ST6GALNAC3: variants seen among roughly 807,000 people sequenced by gnomAD.
ST6GALNAC3 encodes ST6 N-acetylgalactosaminide alpha-2,6-sialyltransferase 3.
ST6GALNAC3 carries 25 observed loss-of-function variants against 32.7 expected under a neutral mutation model. That is an observed-to-expected ratio of 0.76 (90% CI 0.56 to 1.07). The LOEUF (loss-of-function observed/expected upper bound fraction) is 1.07. ST6GALNAC3 is among the 50% of genes least tolerant of loss of function. The pLI is 0.00. For missense variants in ST6GALNAC3, 355 were observed against 382.4 expected (o/e 0.93, Z 0.60); for synonymous variants, 129 against 133.1 (o/e 0.97, Z 0.21).
intron 1 of ST6GALNAC3, among the ~76,000 whole-genome samples, chr1:76,162,968 T>C (rs1651903090): frequency 6.6e-6 from 1 of 152,174 alleles, no homozygotes; most frequent in East Asian, 1.9e-4. Context: ...CCGGAGAGCA[T>C]GCGCTCTGTT....
intron 3 of ST6GALNAC3, among the ~76,000 whole-genome samples, chr1:76,495,505 T>C (rs1263067478): frequency 6.6e-6 from 1 of 152,106 alleles, no homozygotes; most frequent in Non-Finnish European, 1.5e-5. Flanking sequence ...AAAAAAATTA[T>C]TTCTAACTTA....
chr1:76,597,160 C>T (rs1046969183), intron 3 of ST6GALNAC3, among the ~76,000 whole-genome samples: 3 of 152,278 alleles, frequency 2.0e-5, no homozygotes, highest in Non-Finnish European at 2.9e-5. Context: ...TCATCCAGAA[C>T]TTTTGGAGAG....
Position 76,412,138 on chromosome 1 carries a change from A to G in ST6GALNAC3, c.344A>G (p.Tyr115Cys), listed in dbSNP as rs1654285933. Residue 115 changes from tyrosine (Y) to cysteine (C), a missense_variant, in exon 3 of 5, where the codon TAT (tyrosine) becomes TGT (cysteine). Tyr to Cys is a radical substitution (Grantham distance 194, BLOSUM62 -2). Transcript: ENST00000328299. ...WRMNNAPTKG[Y>C]EEDVGRMTMI... ...ATGAACAATGCCCCCACCAAAGGTT[A>G]TGAAGAAGATGTCGGCCGCATGACC... is the stretch of plus-strand genomic sequence containing the variant. 1 of 1,613,634 alleles carries G rather than the reference A, an allele frequency of 6.2e-7. No homozygotes were observed. The highest frequency in any genetic ancestry group is 1.3e-5 in the African/African-American group (1 of 74,868).
chr1:76,417,046 T>C (rs1654692377), intron 3 of ST6GALNAC3, among the ~76,000 whole-genome samples: 1 of 152,148 alleles, frequency 6.6e-6, no homozygotes, highest in South Asian at 2.1e-4. Flanking sequence ...CATATTGGAA[T>C]ACCTTTTTGA....
chr1:76,462,220 T>C (rs1017503233), intron 3 of ST6GALNAC3, among the ~76,000 whole-genome samples: 6 of 145,258 alleles, frequency 4.1e-5, no homozygotes, highest in African/African-American at 1.6e-4. Flanking sequence ...GTGGAATGAA[T>C]AGTGGAATTA....
At chr1:76,562,596 T>C (rs1010689711) in intron 3 of ST6GALNAC3, among the ~76,000 whole-genome samples, 5 of 152,158 alleles carry the variant, frequency 3.3e-5, no homozygotes, top group Admixed American at 3.3e-4. Context: ...CTGTCCACCA[T>C]CTCCTGAGTT....
intron 3 of ST6GALNAC3, among the ~76,000 whole-genome samples, chr1:76,619,350 G>A (rs1186542215): frequency 6.6e-6 from 1 of 152,102 alleles, no homozygotes; most frequent in Non-Finnish European, 1.5e-5. Context: ...AGAACCCCCA[G>A]GTGTATATGG....
chr1:76,557,490 GA>G (rs1229657508), intron 3 of ST6GALNAC3, among the ~76,000 whole-genome samples: 1 of 152,024 alleles, frequency 6.6e-6, no homozygotes, highest in Non-Finnish European at 1.5e-5. Flanking sequence ...GATCTGAGAG[GA>G]GGCAAATAAC....
chr1:76,262,898 T>C (rs565864358), intron 1 of ST6GALNAC3, among the ~76,000 whole-genome samples: 2 of 152,252 alleles, frequency 1.3e-5, no homozygotes, highest in Non-Finnish European at 2.9e-5. Flanking sequence ...ATGTTTATTA[T>C]ATCCTGGATG....
intron 2 of ST6GALNAC3, among the ~76,000 whole-genome samples, chr1:76,378,274 C>A (rs1040256309): frequency 2.0e-5 from 3 of 152,280 alleles, no homozygotes; most frequent in South Asian, 4.1e-4. Context: ...TTTTTCCTGT[C>A]TTTCTAGGCA....
intron 2 of ST6GALNAC3, among the ~76,000 whole-genome samples, chr1:76,373,028 C>G (rs1222886104): frequency 6.6e-6 from 1 of 152,054 alleles, no homozygotes. Context: ...AAGTCCTGGG[C>G]TCAAGTGATC....
chr1:76,375,450 G>A (rs1425816478), intron 2 of ST6GALNAC3, among the ~76,000 whole-genome samples: 1 of 152,174 alleles, frequency 6.6e-6, no homozygotes, highest in Non-Finnish European at 1.5e-5. Context: ...CTAAGGAAAA[G>A]TTACAAGCCA....
chr1:76,615,569 C>T (rs1054552617), intron 3 of ST6GALNAC3, among the ~76,000 whole-genome samples: 13 of 152,168 alleles, frequency 8.5e-5, no homozygotes, highest in African/African-American at 1.2e-4. Context: ...AGGATCTCCT[C>T]GGCTATTTTG....
intron 3 of ST6GALNAC3, among the ~76,000 whole-genome samples, chr1:76,419,214 A>G (rs935015992): frequency 5.3e-5 from 8 of 152,150 alleles, no homozygotes; most frequent in African/African-American, 1.9e-4. Context: ...AAGACTTCCA[A>G]GCAGTCTACT....
intron 1 of ST6GALNAC3, among the ~76,000 whole-genome samples, chr1:76,147,229 A>G (rs1650744036): frequency 6.6e-6 from 1 of 151,562 alleles, no homozygotes; most frequent in Admixed American, 6.6e-5. Flanking sequence ...TGCCCAGCTA[A>G]TTTTTGTATT....
At chr1:76,616,691 G>T (rs1648314572) in intron 3 of ST6GALNAC3, among the ~76,000 whole-genome samples, 1 of 152,092 alleles carries the variant, frequency 6.6e-6, no homozygotes, top group South Asian at 2.1e-4. Flanking sequence ...TATGTCAGTT[G>T]TTGCTTCTGA....
chr1:76,435,638 T>G (rs1656087574), intron 3 of ST6GALNAC3, among the ~76,000 whole-genome samples: 1 of 152,182 alleles, frequency 6.6e-6, no homozygotes. Flanking sequence ...CTAAAATGAC[T>G]TAACTGTAAT....
chr1:76,483,730 A>G (rs865872375), intron 3 of ST6GALNAC3, among the ~76,000 whole-genome samples: 1 of 151,922 alleles, frequency 6.6e-6, no homozygotes, highest in Non-Finnish European at 1.5e-5. Context: ...GTTTAATTAG[A>G]TCCTATTTGT....
chr1:76,573,663 C>CCTT (rs1646749794), intron 3 of ST6GALNAC3, among the ~76,000 whole-genome samples: 1 of 121,522 alleles, frequency 8.2e-6, no homozygotes. Context: ...CCTTTCTTCT[C>CCTT]CTTTTTTTTT....
Sources: gnomAD v4.1 joint callset for allele counts (sites outside exome capture counted in the v4.1 genomes callset) on GRCh38, gnomAD v4.1.1 for gene constraint, MANE v1.5 for transcripts, NCBI Gene and HGNC (gene_info 2026-07-23, HGNC 2026-07-21) for gene names.